VPS13B: variants seen among roughly 807,000 people sequenced by gnomAD.
VPS13B encodes the protein intermembrane lipid transfer protein VPS13B.
Under a neutral mutation model 426.4 loss-of-function variants are expected in VPS13B, and 285 were observed. The observed-to-expected ratio is 0.67, with a 90% CI of 0.61 to 0.74. The LOEUF is 0.74. Ranked by LOEUF, VPS13B falls within the 30% of genes least tolerant of loss-of-function variation. VPS13B has a pLI of 0.00. For missense variants in VPS13B, 4,537 were observed against 4,782.6 expected (o/e 0.95, Z 1.51); for synonymous variants, 1,676 against 1,676.4 (o/e 1.00, Z 0.01).
chr8:99,113,510 G>A (rs1326372783), intron 6 of VPS13B, among the ~76,000 whole-genome samples: 1 of 152,140 alleles, frequency 6.6e-6, no homozygotes. Flanking sequence ...AGATATGGTC[G>A]ACCTCATTAA....
At chr8:99,831,987 G>A (rs540262404) in intron 51 of VPS13B, among the ~76,000 whole-genome samples, 7 of 152,258 alleles carry the variant, frequency 4.6e-5, no homozygotes, top group African/African-American at 9.6e-5. Flanking sequence ...GGGGCCAGGC[G>A]TGGTGACTCA....
chr8:99,360,168 T>TTCTTTCTC (rs1812448453), intron 19 of VPS13B, among the ~76,000 whole-genome samples: 4 of 40,846 alleles, frequency 9.8e-5, no homozygotes, highest in African/African-American at 4.6e-4. Flanking sequence ...CTTTCTTTCT[T>TTCTTTCTC]TCTTTCTTTC....
chr8:99,547,870 T>C (rs1824074285), intron 30 of VPS13B, among the ~76,000 whole-genome samples: 1 of 152,064 alleles, frequency 6.6e-6, no homozygotes, highest in Non-Finnish European at 1.5e-5. Context: ...TTTCCTGATT[T>C]GAATTGCTAC....
In VPS13B at chr8:99,401,009, T is replaced by C. The variant is rs1338638035; in HGVS notation, c.3082+9305T>C. 3.3e-5 allele frequency among the ~76,000 whole-genome samples: 5 copies of C among 152,232 alleles called. No homozygotes were observed. In the South Asian group the frequency reaches 8.3e-4, roughly 25 times the overall value. Reference sequence around the variant, plus strand: ...CTTTTTAAATATTTGTTTAATACTTTGTTATAACAACTTATAAGTTTAATT... The same window carrying C: ...CTTTTTAAATATTTGTTTAATACTTCGTTATAACAACTTATAAGTTTAATT... On this transcript the variant is annotated intron_variant, in intron 21 of 61. Coordinates refer to ENST00000357162, the MANE Select transcript of VPS13B (RefSeq NM_152564.5).
At chr8:99,196,242 T>C (rs1225516669) in intron 17 of VPS13B, among the ~76,000 whole-genome samples, 1 of 152,150 alleles carries the variant, frequency 6.6e-6, no homozygotes, top group African/African-American at 2.4e-5. Flanking sequence ...GTTTTATACT[T>C]TTTAGTATAC....
chr8:99,574,533 G>T (rs746587832), intron 31 of VPS13B, among the ~76,000 whole-genome samples: 1 of 152,118 alleles, frequency 6.6e-6, no homozygotes, highest in East Asian at 1.9e-4. Flanking sequence ...TTTGTCAAAG[G>T]CCTTTTCTGC....
In VPS13B at chr8:99,019,204, ATTTTTTTTTTT is replaced by A. The variant is rs34569117; in HGVS notation, c.147+5278_147+5288del. Among the ~76,000 whole-genome samples, 5 of 128,860 alleles carry A rather than the reference ATTTTTTTTTTT, an allele frequency of 3.9e-5. No individual in the cohort carries two copies. The Admixed American group carries it at 3.9e-4, about 10-fold the overall frequency. The allele number at this position is 128,860 out of a possible 152,430, so 84.5% of individuals were successfully genotyped here. ...TAATACAACATTTATCATCTTAAAC[ATTTTTTTTTTT>A]TTTTTTTTGAGATAGAGTTTCACTC... On this transcript the variant is annotated intron_variant, in intron 2 of 61. Transcript: ENST00000357162.
chr8:99,301,062 C>T (rs1050820608), intron 19 of VPS13B, among the ~76,000 whole-genome samples: 24 of 151,530 alleles, frequency 1.6e-4, no homozygotes, highest in South Asian at 6.3e-4. Flanking sequence ...AAAAAAATAC[C>T]AAAATTAGTT....
At chr8:99,787,441 G>A (rs1485315836) in intron 43 of VPS13B, among the ~76,000 whole-genome samples, 1 of 152,122 alleles carries the variant, frequency 6.6e-6, no homozygotes, top group Non-Finnish European at 1.5e-5. Flanking sequence ...ACAAACAAAG[G>A]AAGAAGAAAA....
At chr8:99,057,251 A>G (rs1483327639) in intron 3 of VPS13B, among the ~76,000 whole-genome samples, 1 of 151,848 alleles carries the variant, frequency 6.6e-6, no homozygotes, top group Non-Finnish European at 1.5e-5. Context: ...GTTAATATTT[A>G]TACCTCATGG....
At chr8:99,236,165 G>A (rs982305945) in intron 17 of VPS13B, among the ~76,000 whole-genome samples, 2 of 152,042 alleles carry the variant, frequency 1.3e-5, no homozygotes, top group African/African-American at 4.8e-5. Context: ...TTGTGTTGTA[G>A]AGGCATTATC....
chr8:99,457,624 A>G lies in VPS13B; in HGVS notation c.3446-9790A>G, dbSNP rs535432908. On this transcript the variant is annotated intron_variant, in intron 23 of 61. Coordinates refer to ENST00000357162, the MANE Select transcript of VPS13B (RefSeq NM_152564.5). ...CAATCTTTACTATTTTCTTTTTTTA[A>G]TAGCTTTGTGTTTAGTTTTATCTTA... is the stretch of plus-strand genomic sequence containing the variant. Among the ~76,000 whole-genome samples, 11 of 151,198 alleles carry G rather than the reference A, an allele frequency of 7.3e-5. No homozygotes were observed. The South Asian group carries it at 1.5e-3, about 20-fold the overall frequency.
chr8:99,573,281 A>T lies in VPS13B; in HGVS notation c.4950-2377A>T, dbSNP rs529145045. The stretch of plus-strand genomic sequence containing the variant: ...TCACTCTGATAGTAGTTTCTTTTGC[A>T]GTGCAGAAGCTCTTTAGTTTAATTA... On this transcript the variant is annotated intron_variant, in intron 31 of 61. Coordinates refer to ENST00000357162, the MANE Select transcript of VPS13B (RefSeq NM_152564.5). Among the ~76,000 whole-genome samples the T allele has an allele frequency of 3.1e-3, 468 of 152,242 alleles. 1 individual carries two copies. The highest frequency in any genetic ancestry group is 9.1e-3 in the South Asian group (44 of 4,824).
chr8:99,023,353 T>G (rs183581594), intron 2 of VPS13B, among the ~76,000 whole-genome samples: 1 of 152,324 alleles, frequency 6.6e-6, no homozygotes, highest in Admixed American at 6.5e-5. Flanking sequence ...TTTGTCTTTC[T>G]GTGCTTGACT....
chr8:99,857,234 T>C (rs1484917480), intron 56 of VPS13B, among the ~76,000 whole-genome samples: 1 of 152,170 alleles, frequency 6.6e-6, no homozygotes, highest in East Asian at 1.9e-4. Context: ...GACCTGCCAC[T>C]GGCAGGAGCA....
At chr8:99,270,878 A>T (rs1415215417) in intron 17 of VPS13B, among the ~76,000 whole-genome samples, 1 of 152,166 alleles carries the variant, frequency 6.6e-6, no homozygotes, top group Non-Finnish European at 1.5e-5. Flanking sequence ...TCTATTGATT[A>T]TAGCTCCCTG....
In VPS13B at chr8:99,198,115, G is replaced by A. The variant is rs145628601; in HGVS notation, c.2515+5058G>A. ...TTTGATGATTATTTAAGTAGACTGT[G>A]TTATTGCCAATCTTGTGGCCGTTAT... On this transcript the variant is annotated intron_variant, in intron 17 of 61. Coordinates refer to ENST00000357162, the MANE Select transcript of VPS13B (RefSeq NM_152564.5). Among the ~76,000 whole-genome samples, 963 of 152,182 alleles carry A rather than the reference G, an allele frequency of 6.3e-3. 8 individuals carry two copies. Among genetic ancestry groups the A allele is most frequent in the African/African-American group, 0.022 (904 of 41,540 alleles).
intron 19 of VPS13B, among the ~76,000 whole-genome samples, chr8:99,303,395 T>C (rs1820474400): frequency 6.6e-6 from 1 of 151,986 alleles, no homozygotes; most frequent in South Asian, 2.1e-4. Context: ...TAGAGTGCTT[T>C]ATCTTTGTAA....
chr8:99,831,402 C>T (rs115083411), intron 51 of VPS13B, among the ~76,000 whole-genome samples: 1,812 of 152,188 alleles, frequency 0.012, 29 homozygotes, highest in African/African-American at 0.042. Flanking sequence ...AACTTAAAAA[C>T]AGAAAATGTT....
Sources: gnomAD v4.1 joint callset for allele counts (sites outside exome capture counted in the v4.1 genomes callset) on GRCh38, gnomAD v4.1.1 for gene constraint, MANE v1.5 for transcripts, NCBI Gene and HGNC (gene_info 2026-07-23, HGNC 2026-07-21) for gene names.